MYBL1: variants seen among roughly 807,000 people sequenced by gnomAD.
MYBL1 encodes the protein myb-related protein A.
MYBL1 carries 17 observed loss-of-function variants against 96.3 expected under a neutral mutation model. The observed-to-expected ratio is 0.18, with a 90% confidence interval of 0.12 to 0.26. MYBL1 has a LOEUF of 0.26. Among genes scored for constraint, MYBL1 ranks in the 10% least tolerant of loss-of-function variants. The pLI, the probability that MYBL1 is intolerant of heterozygous loss-of-function variation, is 1.00. For missense variants in MYBL1, 701 were observed against 882.9 expected, an observed-to-expected ratio of 0.79 and a Z score of 2.61; for synonymous variants, 282 against 292.7, an observed-to-expected ratio of 0.96 and a Z score of 0.37.
chr8:66,588,977 G>A (rs919711744), intron 8 of MYBL1, among the ~76,000 whole-genome samples: 1 of 152,096 alleles, frequency 6.6e-6, no homozygotes, highest in South Asian at 2.1e-4. Context: ...CCGAGATCAC[G>A]CTACTGCACT....
intron 1 of MYBL1, 103 bp downstream of exon 1, chr8:66,612,716 C>T (rs1810580397): frequency 7.9e-7 from 1 of 1,270,222 alleles, no homozygotes; most frequent in Non-Finnish European, 1.0e-6. Flanking sequence ...AAACCTCTGC[C>T]CTCGCCAGGG....
Position 66,562,198 on chromosome 8 carries a change from T to A in MYBL1, c.*2499A>T, listed in dbSNP as rs368516029. 1 of 152,676 alleles carries A rather than the reference T, an allele frequency of 6.5e-6. No homozygotes were observed. Among genetic ancestry groups the A allele is most frequent in the Admixed American group, 6.5e-5 (1 of 15,290 alleles). The allele number at this position is 152,676 out of a possible 1,614,324, so 9.5% of individuals were successfully genotyped here. A position where few individuals can be genotyped will look rare whatever the true frequency, so the allele number is the denominator to read the frequency against. On this transcript the variant is annotated 3_prime_UTR_variant, in exon 16 of 16. Coordinates refer to ENST00000522677, the MANE Select transcript of MYBL1 (RefSeq NM_001080416.4). ...AGTCAGCTTGTACACAGATGCTTTA[T>A]TTTGGATGTTAATATGTCAACATTG...
intron 12 of MYBL1, among the ~76,000 whole-genome samples, chr8:66,569,387 T>C (rs1395718505): frequency 1.3e-5 from 2 of 151,630 alleles, no homozygotes; most frequent in Non-Finnish European, 2.9e-5. Context: ...TCTCACTCTG[T>C]CACCCAGGCT....
chr8:66,564,462 G>T lies in MYBL1; in HGVS notation c.*235C>A, dbSNP rs1808424912. The T allele has an allele frequency of 7.1e-6, 2 of 282,842 alleles. No individual in the cohort carries two copies. The highest frequency in any genetic ancestry group is 6.1e-5 in the East Asian group (1 of 16,284). The allele number at this position is 282,842 out of a possible 1,614,324, so 17.5% of individuals were successfully genotyped here. On this transcript the variant is annotated 3_prime_UTR_variant, in exon 16 of 16. Coordinates refer to ENST00000522677, the MANE Select transcript of MYBL1 (RefSeq NM_001080416.4). ...GAACATTCTATTATTTTCCCATCTT[G>T]TTCTTTAAAAACAATTTTTAAAAAT... is the stretch of plus-strand genomic sequence containing the variant.
chr8:66,574,917 G>A (rs1411871401), intron 10 of MYBL1, among the ~76,000 whole-genome samples: 1 of 152,198 alleles, frequency 6.6e-6, no homozygotes, highest in Non-Finnish European at 1.5e-5. Flanking sequence ...AGCCGGGCGT[G>A]GTGGCACATG....
At chr8:66,580,403 T>C (rs746440453) in intron 8 of MYBL1, 37 bp from the exon 9 acceptor site, 1 of 1,364,652 alleles carries the variant, frequency 7.3e-7, no homozygotes, top group South Asian at 1.3e-5. Flanking sequence ...TTATTTGTCA[T>C]TCTCAATGTA....
intron 8 of MYBL1, among the ~76,000 whole-genome samples, chr8:66,589,318 C>CT (rs201161062): frequency 2.4e-3 from 347 of 141,746 alleles, no homozygotes; most frequent in African/African-American, 6.7e-3. Flanking sequence ...TTCTTTGTGG[C>CT]TTTTTTTTTT....
chr8:66,572,828 A>G (rs1255827607), intron 11 of MYBL1, among the ~76,000 whole-genome samples: 2 of 152,230 alleles, frequency 1.3e-5, no homozygotes, highest in African/African-American at 4.8e-5. Flanking sequence ...GAAATGTTTG[A>G]AAAAGTACTA....
chr8:66,589,894 A>G (rs1809570121), intron 8 of MYBL1, among the ~76,000 whole-genome samples: 1 of 152,172 alleles, frequency 6.6e-6, no homozygotes, highest in African/African-American at 2.4e-5. Context: ...ACATAGGGAA[A>G]TCTCGTCTCT....
At chr8:66,590,858 G>A (rs1809610003) in intron 8 of MYBL1, among the ~76,000 whole-genome samples, 2 of 152,116 alleles carry the variant, frequency 1.3e-5, no homozygotes, top group Admixed American at 1.3e-4. Context: ...CTATATCACT[G>A]TAGGATGACT....
At chr8:66,605,515 C>A (rs377328499) in intron 1 of MYBL1, among the ~76,000 whole-genome samples, 16 of 152,196 alleles carry the variant, frequency 1.1e-4, no homozygotes, top group South Asian at 6.2e-4. Flanking sequence ...AAAGGGCAAG[C>A]CTTAATGATA....
intron 1 of MYBL1, among the ~76,000 whole-genome samples, chr8:66,609,167 G>A (rs565507913): frequency 2.4e-4 from 36 of 152,146 alleles, no homozygotes; most frequent in East Asian, 9.6e-4. Context: ...GACTTTGTCC[G>A]TGAAATAACA....
intron 3 of MYBL1, among the ~76,000 whole-genome samples, chr8:66,601,036 A>C (rs1240747622): frequency 6.6e-6 from 1 of 151,470 alleles, no homozygotes; most frequent in African/African-American, 2.4e-5. Flanking sequence ...AGTTAGACGG[A>C]TGTGGTGGTT....
At position 66,580,128 on chromosome 8, in the gene MYBL1, C is replaced by T. The variant is rs1295632819; in HGVS notation, c.1101+5G>A. 2 of 1,583,974 alleles carry T rather than the reference C, an allele frequency of 1.3e-6. No individual in the cohort carries two copies. Among genetic ancestry groups the T allele is most frequent in the Admixed American group, 1.7e-5 (1 of 58,514 alleles). Reference sequence around the variant, plus strand: ...CTTTTGATAATCTTACAATTTTTTACTTACAGATTCAATAAGTTCTAGAGT... The same window carrying T: ...CTTTTGATAATCTTACAATTTTTTATTTACAGATTCAATAAGTTCTAGAGT... On this transcript the variant is annotated splice_donor_5th_base_variant and intron_variant, in intron 9 of 15. Transcript: ENST00000522677.
chr8:66,595,217 G>A (rs1809802328), intron 6 of MYBL1, among the ~76,000 whole-genome samples: 1 of 152,050 alleles, frequency 6.6e-6, no homozygotes, highest in Non-Finnish European at 1.5e-5. Flanking sequence ...TCTCTTTTAA[G>A]CCATTTTATA....
At chr8:66,565,730 C>G (rs2129680668) in intron 15 of MYBL1, among the ~76,000 whole-genome samples, 1 of 152,204 alleles carries the variant, frequency 6.6e-6, no homozygotes, top group Middle Eastern at 3.4e-3. Context: ...AACCACTTAC[C>G]CTTTTTCAGA....
Position 66,603,119 on chromosome 8 carries a change from C to T in MYBL1, c.21-596G>A, listed in dbSNP as rs117296574. Among the ~76,000 whole-genome samples the T allele has an allele frequency of 3.3e-3, 500 of 152,034 alleles. 1 individual carries two copies. The highest frequency in any genetic ancestry group is 5.2e-3 in the Non-Finnish European group (355 of 67,984). On this transcript the variant is annotated intron_variant, in intron 1 of 15. Coordinates refer to ENST00000522677, the MANE Select transcript of MYBL1 (RefSeq NM_001080416.4). ...CTACGGGAAAAATCATAACCTTGTA[C>T]GTCATGTTAAGGAATTTGACCTTTA... is the stretch of plus-strand genomic sequence containing the variant.
At chr8:66,603,163 T>C (rs1176441544) in intron 1 of MYBL1, among the ~76,000 whole-genome samples, 1 of 152,168 alleles carries the variant, frequency 6.6e-6, no homozygotes, top group Non-Finnish European at 1.5e-5. Context: ...TTGACCTTTA[T>C]TCTAAAGAGT....
Position 66,595,620 on chromosome 8 carries a change from T to C in MYBL1, c.650A>G (p.His217Arg). 1 of 1,591,638 alleles carries C rather than the reference T, an allele frequency of 6.3e-7. No homozygotes were observed. Among genetic ancestry groups the C allele is most frequent in the South Asian group, 1.1e-5 (1 of 87,158 alleles). The change falls in exon 6 of 16, where the codon CAT becomes CGT. Residue 217 changes from histidine to arginine, a missense_variant. His to Arg is a conservative substitution (Grantham distance 29). Coordinates refer to ENST00000522677, the MANE Select transcript of MYBL1 (RefSeq NM_001080416.4). Reference sequence around the variant, plus strand: ...GTAAAACTGATTCTGGGTTTGCATATGATCCATAGCTGCACAAGGTTTGTG... The same window carrying C: ...GTAAAACTGATTCTGGGTTTGCATACGATCCATAGCTGCACAAGGTTTGTG... ...LQHKPCAAMD[H>R]MQTQNQFYIP...
Sources: gnomAD v4.1 joint callset for allele counts (sites outside exome capture counted in the v4.1 genomes callset) on GRCh38, gnomAD v4.1.1 for gene constraint, MANE v1.5 for transcripts, NCBI Gene and HGNC (gene_info 2026-07-23, HGNC 2026-07-21) for gene names.